Variants in SIPA1L3 observed in about 807,000 individuals in gnomAD.
The protein encoded by SIPA1L3 is signal-induced proliferation-associated 1-like protein 3.
Under a neutral mutation model 150.1 loss-of-function variants are expected in SIPA1L3, and 59 were observed. That is an observed-to-expected ratio of 0.39 (90% CI 0.32 to 0.49). The LOEUF (loss-of-function observed/expected upper bound fraction) is 0.49, where lower values mean the gene tolerates loss of function less well. Among genes scored for constraint, SIPA1L3 ranks in the 20% least tolerant of loss-of-function variants. The probability of loss-of-function intolerance (pLI) is 0.86; values close to 1 mark genes in which losing one functional copy is unlikely to be tolerated. For missense variants in SIPA1L3, 2,211 were observed against 2,489.5 expected, an observed-to-expected ratio of 0.89 and a Z score of 2.38; for synonymous variants, 1,070 against 1,077.6, an observed-to-expected ratio of 0.99 and a Z score of 0.14.
chr19:37,984,289 A>G (rs1267982012), intron 1 of SIPA1L3, among the ~76,000 whole-genome samples: 1 of 152,208 alleles, frequency 6.6e-6, no homozygotes, highest in Admixed American at 6.5e-5. Context: ...GAGATAAAAT[A>G]CATAGAAGTA....
chr19:38,088,666 A>T lies in SIPA1L3; in HGVS notation c.1535-55A>T. 6 of 1,591,204 alleles carry T rather than the reference A, an allele frequency of 3.8e-6. No homozygotes were observed. In the South Asian group the frequency reaches 6.8e-5, roughly 18 times the overall value. Reference sequence around the variant, plus strand: ...CCTGTCTGCAGGCCTGCTGGGCATCAGGGCCCCTCCTTCCCAGACAGCTGA... The same window carrying T: ...CCTGTCTGCAGGCCTGCTGGGCATCTGGGCCCCTCCTTCCCAGACAGCTGA... On this transcript the variant is annotated intron_variant, in intron 3 of 21. Coordinates refer to ENST00000222345, the MANE Select transcript of SIPA1L3 (RefSeq NM_015073.3).
At chr19:37,985,925 C>T (rs557211872) in intron 1 of SIPA1L3, among the ~76,000 whole-genome samples, 1 of 152,334 alleles carries the variant, frequency 6.6e-6, no homozygotes, top group Non-Finnish European at 1.5e-5. Flanking sequence ...TGTGGTTGTC[C>T]TTTTTGTTCC....
At chr19:38,029,853 C>A (rs1568510107) in intron 2 of SIPA1L3, among the ~76,000 whole-genome samples, 1 of 144,594 alleles carries the variant, frequency 6.9e-6, no homozygotes, top group Non-Finnish European at 1.5e-5. Flanking sequence ...CCCACCTCGG[C>A]CTCTTTTTTT....
chr19:38,169,338 G>A (rs1484544254), intron 15 of SIPA1L3, among the ~76,000 whole-genome samples: 2 of 152,034 alleles, frequency 1.3e-5, no homozygotes, highest in African/African-American at 2.4e-5. Flanking sequence ...GCAGTGAGCC[G>A]AGATCACGCC....
chr19:38,137,136 C>T (rs149178851), intron 10 of SIPA1L3, among the ~76,000 whole-genome samples: 1 of 152,172 alleles, frequency 6.6e-6, no homozygotes, highest in Non-Finnish European at 1.5e-5. Context: ...GCCATCTGGC[C>T]CCGCAGCCCT....
At chr19:38,073,788 C>G (rs1454026721) in intron 2 of SIPA1L3, among the ~76,000 whole-genome samples, 2 of 152,222 alleles carry the variant, frequency 1.3e-5, no homozygotes, top group African/African-American at 4.8e-5. Flanking sequence ...TGCAAGGACA[C>G]TTTCCAGCCT....
intron 21 of SIPA1L3, among the ~76,000 whole-genome samples, 166 bp from the exon 22 acceptor site, chr19:38,205,931 C>T (rs886433983): frequency 2.6e-5 from 4 of 152,214 alleles, no homozygotes; most frequent in Non-Finnish European, 5.9e-5. Flanking sequence ...CCCAGGGTCC[C>T]TCGGTTGTGG....
intron 8 of SIPA1L3, among the ~76,000 whole-genome samples, chr19:38,110,658 AAGAC>A (rs934199399): frequency 1.1e-4 from 17 of 152,290 alleles, no homozygotes; most frequent in African/African-American, 2.2e-4. Context: ...TTAAGACAAA[AAGAC>A]AGTTGTGTAT....
chr19:38,021,286 A>C (rs1968367586), intron 1 of SIPA1L3, among the ~76,000 whole-genome samples: 1 of 152,170 alleles, frequency 6.6e-6, no homozygotes, highest in African/African-American at 2.4e-5. Flanking sequence ...CCTTTGTGTC[A>C]TATAACAATG....
intron 1 of SIPA1L3, among the ~76,000 whole-genome samples, chr19:37,920,254 T>C (rs987266028): frequency 6.6e-6 from 1 of 151,888 alleles, no homozygotes; most frequent in Non-Finnish European, 1.5e-5. Context: ...AGATGGGATC[T>C]CTCTATGTTG....
chr19:37,975,550 T>G (rs940951244), intron 1 of SIPA1L3, among the ~76,000 whole-genome samples: 7 of 152,152 alleles, frequency 4.6e-5, no homozygotes, highest in Admixed American at 4.6e-4. Flanking sequence ...ATTTCATTGG[T>G]GGATGTCACT....
chr19:38,116,800 G>A (rs1318971492), intron 8 of SIPA1L3, among the ~76,000 whole-genome samples: 1 of 152,146 alleles, frequency 6.6e-6, no homozygotes, highest in African/African-American at 2.4e-5. Flanking sequence ...GCTGCAGTGA[G>A]CTGAGATCAC....
intron 8 of SIPA1L3, among the ~76,000 whole-genome samples, chr19:38,116,525 C>CAAAA (rs1197701775): frequency 0.071 from 5,866 of 83,144 alleles, 700 homozygotes; most frequent in African/African-American, 0.23. Context: ...GACTCTGTCT[C>CAAAA]AAAAAAAAAA....
intron 15 of SIPA1L3, 112 bp downstream of exon 15, chr19:38,165,018 C>T (rs1413418272): frequency 5.9e-6 from 6 of 1,009,728 alleles, no homozygotes; most frequent in African/African-American, 3.2e-5. Context: ...CGGATGAATG[C>T]GCCTAGTCAT....
At chr19:37,938,155 T>C (rs1481050159) in intron 1 of SIPA1L3, among the ~76,000 whole-genome samples, 2 of 152,248 alleles carry the variant, frequency 1.3e-5, no homozygotes, top group Non-Finnish European at 1.5e-5. Context: ...CTGGGACTCA[T>C]GCATTTTTAT....
At position 38,012,071 on chromosome 19, in the gene SIPA1L3, A is replaced by G. The variant is rs149155503; in HGVS notation, c.-378-17018A>G. On this transcript the variant is annotated intron_variant, in intron 1 of 21. Transcript: ENST00000222345. Reference sequence around the variant, plus strand: ...TGTCTCCCAACATGCATGAATGCACATCCTTGCTGGGCTGTGTCTTTTTTT... The same window carrying G: ...TGTCTCCCAACATGCATGAATGCACGTCCTTGCTGGGCTGTGTCTTTTTTT... 3.9e-3 allele frequency among the ~76,000 whole-genome samples: 584 copies of G among 148,990 alleles called. 5 individuals carry two copies. The highest frequency in any genetic ancestry group is 0.014 in the African/African-American group (566 of 40,502).
intron 6 of SIPA1L3, among the ~76,000 whole-genome samples, chr19:38,105,194 AAAAATACT>A (rs1465023359): frequency 4.6e-5 from 7 of 151,928 alleles, no homozygotes; most frequent in Non-Finnish European, 1.0e-4. Flanking sequence ...CATCTCTACT[AAAAATACT>A]AAAATTACTA....
Position 37,919,788 on chromosome 19 carries a change from G to A in SIPA1L3, c.-379+12430G>A, listed in dbSNP as rs535374608. The stretch of plus-strand genomic sequence containing the variant: ...TGCAGTGGCGCGATCTCAGCTCACC[G>A]CAACCTCTGCCTCCCGGGTTCAAGC... On this transcript the variant is annotated intron_variant, in intron 1 of 21. Transcript: ENST00000222345. 1.5e-4 allele frequency among the ~76,000 whole-genome samples: 19 copies of A among 130,690 alleles called. No individual in the cohort carries two copies. The East Asian group carries it at 3.6e-3, about 25-fold the overall frequency. 85.7% of individuals were successfully genotyped at this position (130,690 alleles called of 152,430 possible). A position where few individuals can be genotyped will look rare whatever the true frequency, so the allele number is the denominator to read the frequency against.
intron 1 of SIPA1L3, among the ~76,000 whole-genome samples, chr19:37,970,474 C>G (rs1210194002): frequency 6.6e-6 from 1 of 152,208 alleles, no homozygotes; most frequent in Non-Finnish European, 1.5e-5. Flanking sequence ...GCTGCAGATA[C>G]CGTTCTGAAT....
Sources: gnomAD v4.1 joint callset for allele counts (sites outside exome capture counted in the v4.1 genomes callset) on GRCh38, gnomAD v4.1.1 for gene constraint, MANE v1.5 for transcripts, NCBI Gene and HGNC (gene_info 2026-07-23, HGNC 2026-07-21) for gene names.